The following ZNF652 variants were observed in gnomAD, a reference collection of about 807,000 sequenced individuals.
ZNF652 encodes the protein zinc finger protein 652.
In ZNF652, 16 loss-of-function variants were observed where a neutral mutation model predicts 45.2. The observed-to-expected ratio is 0.35, with a 90% CI of 0.24 to 0.54. ZNF652 has a LOEUF of 0.54. Among genes scored for constraint, ZNF652 ranks in the 20% least tolerant of loss-of-function variants. The pLI is 0.91. For missense variants in ZNF652, 614 were observed against 765.6 expected (o/e 0.80, Z 2.34); for synonymous variants, 250 against 260.6 (o/e 0.96, Z 0.39).
chr17:49,310,895 C>A (rs1567918559), intron 5 of ZNF652, among the ~76,000 whole-genome samples: 1 of 152,156 alleles, frequency 6.6e-6, no homozygotes, highest in South Asian at 2.1e-4. Flanking sequence ...GAAAAGAGAC[C>A]CTGTCTTAAA....
rs1480307760 is a variant in ZNF652 at position 49,294,365 on chromosome 17, T to C, written c.*4048A>G. On this transcript the variant is annotated 3_prime_UTR_variant, in exon 6 of 6. Transcript: ENST00000430262. ...ATTAATCTAGAACAGTTAATGTAAA[T>C]GGTAGACTATGAAAGTACAGGTAAC... Among the ~76,000 whole-genome samples, 2 of 152,200 alleles carry C rather than the reference T, an allele frequency of 1.3e-5. No homozygotes were observed. Among genetic ancestry groups the C allele is most frequent in the East Asian group, 3.8e-4 (2 of 5,202 alleles).
intron 5 of ZNF652, among the ~76,000 whole-genome samples, chr17:49,311,026 T>C (rs1273452943): frequency 6.6e-6 from 1 of 152,086 alleles, no homozygotes; most frequent in Non-Finnish European, 1.5e-5. Context: ...ACAAAAGAAG[T>C]TTCATACAAT....
At chr17:49,329,776 A>G (rs1248581833) in intron 1 of ZNF652, among the ~76,000 whole-genome samples, 2 of 152,222 alleles carry the variant, frequency 1.3e-5, no homozygotes, top group African/African-American at 4.8e-5. Flanking sequence ...ATGCAAGTGC[A>G]ACTAGTAAAA....
chr17:49,326,032 G>T (rs1404320871), intron 1 of ZNF652, among the ~76,000 whole-genome samples: 1 of 152,096 alleles, frequency 6.6e-6, no homozygotes, highest in Non-Finnish European at 1.5e-5. Context: ...TTTCGGAAAA[G>T]CATATATGGC....
At chr17:49,325,903 T>C (rs2069951195) in intron 1 of ZNF652, among the ~76,000 whole-genome samples, 1 of 152,182 alleles carries the variant, frequency 6.6e-6, no homozygotes, top group Non-Finnish European at 1.5e-5. Flanking sequence ...GAAACATTTA[T>C]TTTTGTTTTT....
intron 1 of ZNF652, among the ~76,000 whole-genome samples, chr17:49,336,942 GT>G (rs200178711): frequency 0.017 from 1,975 of 115,096 alleles, 28 homozygotes; most frequent in Middle Eastern, 0.031. Flanking sequence ...TCTTAATGGT[GT>G]TTTTTTTTTT....
Position 49,295,502 on chromosome 17 carries a change from G to A in ZNF652, c.*2911C>T, listed in dbSNP as rs1293732085. On this transcript the variant is annotated 3_prime_UTR_variant, in exon 6 of 6. Transcript: ENST00000430262. ...CCTGTATAGCAGATATTTTCTTATG[G>A]CTATATTTACTTGAATGAAAAATCA... The A allele has an allele frequency of 1.3e-5, 2 of 151,974 alleles. No individual in the cohort carries two copies. Among genetic ancestry groups the A allele is most frequent in the African/African-American group, 4.8e-5 (2 of 41,252 alleles). 9.4% of individuals were successfully genotyped at this position (151,974 alleles called of 1,614,324 possible).
rs2069429583 is a variant in ZNF652 at position 49,293,457 on chromosome 17, G to A, written c.*4956C>T. Among the ~76,000 whole-genome samples, 1 of 152,018 alleles carries A rather than the reference G, an allele frequency of 6.6e-6. No individual in the cohort carries two copies. Among genetic ancestry groups the A allele is most frequent in the Non-Finnish European group, 1.5e-5 (1 of 68,010 alleles). Reference sequence around the variant, plus strand: ...ATAAAAGTATAGAACTATGAAAGTGGATATATTGATGGCAACTTTTATGGC... The same window carrying A: ...ATAAAAGTATAGAACTATGAAAGTGAATATATTGATGGCAACTTTTATGGC... On this transcript the variant is annotated 3_prime_UTR_variant, in exon 6 of 6. Transcript: ENST00000430262.
chr17:49,333,068 T>C (rs2070041280), intron 1 of ZNF652, among the ~76,000 whole-genome samples: 1 of 151,738 alleles, frequency 6.6e-6, no homozygotes, highest in Non-Finnish European at 1.5e-5. Flanking sequence ...AAATAATTTT[T>C]TTTTTTTGAG....
chr17:49,325,467 T>C (rs1055897376), intron 1 of ZNF652, among the ~76,000 whole-genome samples: 1 of 152,140 alleles, frequency 6.6e-6, no homozygotes, highest in African/African-American at 2.4e-5. Context: ...TTAACAGATA[T>C]CAGTGTTTGA....
intron 1 of ZNF652, among the ~76,000 whole-genome samples, chr17:49,334,965 T>G (rs2090689442): frequency 2.0e-5 from 3 of 150,564 alleles, no homozygotes; most frequent in Admixed American, 1.3e-4. Flanking sequence ...GAGCTGGGAG[T>G]AGGGAGGAGG....
chr17:49,323,501 C>G (rs115906820), intron 1 of ZNF652, among the ~76,000 whole-genome samples: 1 of 152,198 alleles, frequency 6.6e-6, no homozygotes, highest in Non-Finnish European at 1.5e-5. Flanking sequence ...CTATGAATCA[C>G]AAATGTTCTT....
chr17:49,296,410 G>T lies in ZNF652; in HGVS notation c.*2003C>A, dbSNP rs2069477963. The T allele has an allele frequency of 1.3e-5, 2 of 152,646 alleles. No individual in the cohort carries two copies. Among genetic ancestry groups the T allele is most frequent in the East Asian group, 3.9e-4 (2 of 5,184 alleles). The allele number at this position is 152,646 out of a possible 1,614,324, so 9.5% of individuals were successfully genotyped here. A position where few individuals can be genotyped will look rare whatever the true frequency, so the allele number is the denominator to read the frequency against. ...GAAAAATATGGACTTAATCTCAATT[G>T]AAAGAGTTCATTTTTTCTTACCACA... On this transcript the variant is annotated 3_prime_UTR_variant, in exon 6 of 6. Transcript: ENST00000430262.
chr17:49,333,254 T>C (rs1165613009), intron 1 of ZNF652, among the ~76,000 whole-genome samples: 2 of 150,298 alleles, frequency 1.3e-5, no homozygotes, highest in Non-Finnish European at 3.0e-5. Flanking sequence ...AGACGGGGTT[T>C]CACCTTGTTA....
chr17:49,327,777 A>T (rs1389569171), intron 1 of ZNF652, among the ~76,000 whole-genome samples: 36 of 2,160 alleles, frequency 0.017, 1 homozygote, highest in African/African-American at 0.044. Context: ...ATATATATAT[A>T]TATTTTTTTT....
In ZNF652 at chr17:49,296,320, G is replaced by C. The variant is rs370166278; in HGVS notation, c.*2093C>G. ...TTTCCTATGCTCATTATATAAGACA[G>C]GCAAAATCAGAAGGAGAAAATTTAG... is the stretch of plus-strand genomic sequence containing the variant. On this transcript the variant is annotated 3_prime_UTR_variant, in exon 6 of 6. Transcript: ENST00000430262. 6.6e-6 allele frequency: 1 copy of C among 152,432 alleles called. No homozygotes were observed. The highest frequency in any genetic ancestry group is 3.2e-3 in the Middle Eastern group (1 of 316). 9.4% of individuals were successfully genotyped at this position (152,432 alleles called of 1,614,324 possible). A position where few individuals can be genotyped will look rare whatever the true frequency, so the allele number is the denominator to read the frequency against.
intron 1 of ZNF652, among the ~76,000 whole-genome samples, chr17:49,328,120 A>G (rs572342956): frequency 1.3e-5 from 2 of 152,148 alleles, no homozygotes; most frequent in Non-Finnish European, 2.9e-5. Flanking sequence ...AATGCTTATG[A>G]AAATACTTAG....
chr17:49,298,976 T>C (rs752336501), intron 5 of ZNF652, 52 bp from the exon 6 acceptor site: 2 of 1,514,272 alleles, frequency 1.3e-6, no homozygotes, highest in Non-Finnish European at 1.8e-6. Context: ...GGTAATTGTG[T>C]GCTCAAGCTT....
At chr17:49,344,012 C>T (rs1375466397) in intron 1 of ZNF652, among the ~76,000 whole-genome samples, 1 of 152,082 alleles carries the variant, frequency 6.6e-6, no homozygotes, top group Non-Finnish European at 1.5e-5. Context: ...TCCTGGCTAA[C>T]ACAGTGAAAC....
Sources: allele counts gnomAD v4.1 joint callset (sites outside exome capture counted in the v4.1 genomes callset), GRCh38; gene constraint gnomAD v4.1.1; transcripts MANE v1.5; gene names NCBI Gene and HGNC (gene_info 2026-07-23, HGNC 2026-07-21).